The following ADCY8 variants were observed in gnomAD, a reference collection of about 807,000 sequenced individuals.
ADCY8 encodes adenylate cyclase 8, also known as adenylate cyclase type 8.
Under a neutral mutation model 119.7 loss-of-function variants are expected in ADCY8, and 51 were observed. That is an observed-to-expected ratio of 0.43 (90% CI 0.34 to 0.54). The LOEUF (loss-of-function observed/expected upper bound fraction) is 0.54, where lower values mean the gene tolerates loss of function less well. ADCY8 is among the 20% of genes least tolerant of loss of function. ADCY8 has a pLI of 0.03. For missense variants in ADCY8, 1,383 were observed against 1,598.8 expected, an observed-to-expected ratio of 0.87 and a Z score of 2.30; for synonymous variants, 665 against 651.0, an observed-to-expected ratio of 1.02 and a Z score of -0.33.
At chr8:130,951,776 T>G in intron 3 of ADCY8, 92 bp downstream of exon 3, 2 of 1,514,430 alleles carry the variant, frequency 1.3e-6, no homozygotes, top group Non-Finnish European at 1.8e-6. Flanking sequence ...GGTGCTGACA[T>G]TCAAGCAGAC....
At chr8:130,912,814 A>T (rs1820020748) in intron 5 of ADCY8, among the ~76,000 whole-genome samples, 1 of 152,192 alleles carries the variant, frequency 6.6e-6, no homozygotes, top group South Asian at 2.1e-4. Flanking sequence ...GTTAAAAAGC[A>T]TATGGTACTT....
At chr8:130,871,534 C>A (rs1027373868) in intron 8 of ADCY8, among the ~76,000 whole-genome samples, 1 of 152,116 alleles carries the variant, frequency 6.6e-6, no homozygotes, top group African/African-American at 2.4e-5. Context: ...GTGCCTTCCA[C>A]GATAATCCTA....
chr8:131,028,572 C>T (rs1376533177), intron 1 of ADCY8, among the ~76,000 whole-genome samples: 2 of 151,738 alleles, frequency 1.3e-5, no homozygotes, highest in African/African-American at 4.8e-5. Context: ...ACTAAAAAGA[C>T]TCATGACCGT....
chr8:130,783,751 G>C lies in ADCY8; in HGVS notation c.3208C>G (p.Leu1070Val). 6.2e-7 allele frequency: 1 copy of C among 1,613,892 alleles called. No homozygotes were observed. Among genetic ancestry groups the C allele is most frequent in the East Asian group, 2.2e-5 (1 of 44,868 alleles). The change falls in exon 17 of 18, where the codon CTG becomes GTG. Residue 1070 changes from leucine to valine, a missense_variant. Leu to Val is a conservative substitution (Grantham distance 32). This residue lies in a region of ADCY8 where 928 missense variants were observed against 1,163.5 expected (regional missense o/e 0.80). Coordinates refer to ENST00000286355, the MANE Select transcript of ADCY8 (RefSeq NM_001115.3). ...TTGATCTCCTGTATGCTTTCTGTCA[G>C]GGCGAGTGAGAAGTCAGCCAGAGCA... Reference protein sequence around the residue: ...LCALADFSLALTESIQEINKH... With the variant: ...LCALADFSLAVTESIQEINKH...
intron 2 of ADCY8, among the ~76,000 whole-genome samples, chr8:130,956,742 T>C (rs1045126443): frequency 1.3e-5 from 2 of 152,194 alleles, no homozygotes; most frequent in Admixed American, 1.3e-4. Context: ...GGTAGTTTCT[T>C]CCTTACTGTT....
At chr8:130,795,138 C>T (rs897376336) in intron 15 of ADCY8, among the ~76,000 whole-genome samples, 4 of 152,314 alleles carry the variant, frequency 2.6e-5, no homozygotes, top group Admixed American at 2.0e-4. Context: ...CTGGAAGAGG[C>T]GATGTCCGCA....
chr8:130,832,266 A>G (rs1477671367), intron 12 of ADCY8, among the ~76,000 whole-genome samples: 1 of 152,114 alleles, frequency 6.6e-6, no homozygotes, highest in Non-Finnish European at 1.5e-5. Flanking sequence ...TTGTTGTGGG[A>G]CAGGTAGTTT....
chr8:130,846,544 CTTCA>C lies in ADCY8; in HGVS notation c.2502+876_2502+879del, dbSNP rs1309572735. Among the ~76,000 whole-genome samples the C allele has an allele frequency of 5.6e-4, 71 of 126,132 alleles. No individual in the cohort carries two copies. In the South Asian group the frequency reaches 9.0e-3, roughly 16 times the overall value. 82.7% of individuals were successfully genotyped at this position (126,132 alleles called of 152,430 possible). ...CCTCCCTCCCTCCCTTCCTTCCTTC[CTTCA>C]TTCCTTCATTCCTTCCTTCCTTCCC... On this transcript the variant is annotated intron_variant, in intron 11 of 17. Coordinates refer to ENST00000286355, the MANE Select transcript of ADCY8 (RefSeq NM_001115.3).
chr8:130,821,334 T>C lies in ADCY8; in HGVS notation c.2754+8A>G. ...TAACAGAGCAGTCAGAGCGAAATGT[T>C]AGATTACCTGCTGTCCATGGTAGAA... is the stretch of plus-strand genomic sequence containing the variant. On this transcript the variant is annotated splice_region_variant and intron_variant, in intron 13 of 17. Transcript: ENST00000286355. The C allele has an allele frequency of 1.2e-6, 2 of 1,611,758 alleles. No individual in the cohort carries two copies. The highest frequency in any genetic ancestry group is 1.7e-6 in the Non-Finnish European group (2 of 1,178,190).
At chr8:130,918,044 TTTTTTGGAGTTATTACAA>T (rs1258038067) in intron 5 of ADCY8, among the ~76,000 whole-genome samples, 1 of 152,100 alleles carries the variant, frequency 6.6e-6, no homozygotes, top group Non-Finnish European at 1.5e-5. Context: ...AACTGGAATG[TTTTTTGGAGTTATTACAA>T]TTTTCAAGAT....
chr8:130,854,691 C>A (rs1817649929), intron 9 of ADCY8, among the ~76,000 whole-genome samples: 2 of 152,174 alleles, frequency 1.3e-5, no homozygotes, highest in South Asian at 4.1e-4. Flanking sequence ...TGGGCATTAT[C>A]ATTCCCATTT....
At chr8:130,866,930 C>A (rs1206333720) in intron 9 of ADCY8, among the ~76,000 whole-genome samples, 1 of 152,158 alleles carries the variant, frequency 6.6e-6, no homozygotes, top group Non-Finnish European at 1.5e-5. Flanking sequence ...TTGTCACCTA[C>A]TAAATTATGT....
At chr8:130,987,678 G>A (rs980919535) in intron 2 of ADCY8, among the ~76,000 whole-genome samples, 1 of 152,068 alleles carries the variant, frequency 6.6e-6, no homozygotes, top group East Asian at 1.9e-4. Flanking sequence ...CTCCTTCACA[G>A]GGTATAGAAT....
At chr8:131,000,403 C>T (rs537772398) in intron 1 of ADCY8, among the ~76,000 whole-genome samples, 60 of 152,244 alleles carry the variant, frequency 3.9e-4, no homozygotes, top group Non-Finnish European at 6.6e-4. Context: ...TGCAGGTAAA[C>T]GAGCCTGGCT....
intron 1 of ADCY8, among the ~76,000 whole-genome samples, chr8:131,034,255 G>T (rs890551392): frequency 2.0e-5 from 3 of 152,040 alleles, no homozygotes; most frequent in Non-Finnish European, 2.9e-5. Context: ...CTTAGACAAA[G>T]AACATATAAT....
chr8:130,923,717 G>T (rs1314586202), intron 5 of ADCY8, among the ~76,000 whole-genome samples: 1 of 152,152 alleles, frequency 6.6e-6, no homozygotes, highest in Admixed American at 6.5e-5. Context: ...CTATGTAATA[G>T]AATCTATTAT....
At chr8:130,953,186 T>C (rs1383459659) in intron 2 of ADCY8, among the ~76,000 whole-genome samples, 1 of 152,186 alleles carries the variant, frequency 6.6e-6, no homozygotes, top group Non-Finnish European at 1.5e-5. Flanking sequence ...AATAGGGTAA[T>C]TATCATTGAT....
At chr8:130,851,795 A>G (rs149182988) in intron 9 of ADCY8, among the ~76,000 whole-genome samples, 9 of 152,322 alleles carry the variant, frequency 5.9e-5, no homozygotes, top group African/African-American at 2.2e-4. Context: ...TAACTGGTAA[A>G]TGCAGGAAAA....
intron 2 of ADCY8, among the ~76,000 whole-genome samples, chr8:130,988,996 G>A (rs1017747036): frequency 6.6e-6 from 1 of 152,248 alleles, no homozygotes; most frequent in Non-Finnish European, 1.5e-5. Context: ...CCCATGGAAA[G>A]AGTGACATGC....
Sources: allele counts gnomAD v4.1 joint callset (sites outside exome capture counted in the v4.1 genomes callset), GRCh38; gene constraint gnomAD v4.1.1; regional missense constraint gnomAD v4.1.1; transcripts MANE v1.5; gene names NCBI Gene and HGNC (gene_info 2026-07-23, HGNC 2026-07-21).